GLIS3: variants seen among roughly 807,000 people sequenced by gnomAD.
GLIS3 encodes the protein GLIS family zinc finger 3.
GLIS3 carries 53 observed loss-of-function variants against 78.6 expected under a neutral mutation model. The ratio of observed to expected loss-of-function variants is 0.67; its 90% CI spans 0.54 to 0.85. GLIS3 has a LOEUF of 0.85. Ranked by LOEUF, GLIS3 falls within the 40% of genes least tolerant of loss-of-function variation. The pLI is 0.00. For missense variants in GLIS3, 1,703 were observed against 1,231.1 expected (o/e 1.38, Z -5.74); for synonymous variants, 684 against 509.9 (o/e 1.34, Z -4.60).
At chr9:4,059,829 T>TGTGTGTGAGA in intron 4 of GLIS3, among the ~76,000 whole-genome samples, 92 of 100,704 alleles carry the variant, frequency 9.1e-4, no homozygotes, top group Middle Eastern at 0.013. Flanking sequence ...TGTGTGTGTG[T>TGTGTGTGAGA]GAGAGAGAGA....
At chr9:4,202,641 A>C (rs1209990857) in intron 2 of GLIS3, among the ~76,000 whole-genome samples, 1 of 152,134 alleles carries the variant, frequency 6.6e-6, no homozygotes, top group Non-Finnish European at 1.5e-5. Context: ...ATGGAATAGA[A>C]TAGAGAACCC....
the GLIS3 span, among the ~76,000 whole-genome samples, chr9:4,441,377 C>T: frequency 1.3e-5 from 2 of 152,236 alleles, no homozygotes; most frequent in Admixed American, 6.5e-5. Flanking sequence ...TGTTGAATTT[C>T]GTCAAATGCT....
chr9:4,175,942 G>C (rs1025089119), intron 2 of GLIS3, among the ~76,000 whole-genome samples: 3 of 152,210 alleles, frequency 2.0e-5, no homozygotes, highest in Admixed American at 1.3e-4. Flanking sequence ...GACATAGCCA[G>C]AATTGAAATC....
intron 2 of GLIS3, among the ~76,000 whole-genome samples, chr9:4,340,640 A>G (rs1041622835): frequency 3.3e-5 from 5 of 152,146 alleles, no homozygotes; most frequent in Admixed American, 1.3e-4. Context: ...CACCATGGAC[A>G]CTTGAACCTG....
chr9:4,006,520 G>T (rs147535821), intron 4 of GLIS3, among the ~76,000 whole-genome samples: 49 of 152,256 alleles, frequency 3.2e-4, no homozygotes, highest in Non-Finnish European at 6.2e-4. Flanking sequence ...TGGTTTGCTG[G>T]TGAGGGGTGC....
At chr9:3,848,873 A>G (rs1016216328) in intron 9 of GLIS3, among the ~76,000 whole-genome samples, 2 of 152,228 alleles carry the variant, frequency 1.3e-5, no homozygotes, top group African/African-American at 4.8e-5. Flanking sequence ...CTGAGGTAAG[A>G]AAATGCCACC....
At chr9:4,236,204 A>AAAAAAG (rs536737911) in intron 2 of GLIS3, among the ~76,000 whole-genome samples, 15,191 of 85,640 alleles carry the variant, frequency 0.18, 1,648 homozygotes, top group East Asian at 0.37. Context: ...AAAAAAAAAA[A>AAAAAAG]AAAGAAAGAA....
intron 4 of GLIS3, among the ~76,000 whole-genome samples, chr9:4,044,110 G>A (rs113478529): frequency 0.026 from 3,914 of 152,290 alleles, 162 homozygotes; most frequent in African/African-American, 0.087. Context: ...CAGAGAAGCT[G>A]AGCAACCTTC....
chr9:4,286,786 CAACA>C (rs914483986), intron 1 of GLIS3, among the ~76,000 whole-genome samples: 1 of 152,166 alleles, frequency 6.6e-6, no homozygotes, highest in Non-Finnish European at 1.5e-5. Context: ...TCGGCAACTA[CAACA>C]ATCTACTGGT....
chr9:4,416,019 A>T, the GLIS3 span, among the ~76,000 whole-genome samples: 1 of 150,422 alleles, frequency 6.6e-6, no homozygotes, highest in Non-Finnish European at 1.5e-5. Context: ...AAATATATAG[A>T]TGTATATATT....
intron 4 of GLIS3, among the ~76,000 whole-genome samples, chr9:3,961,485 G>A (rs1183541729): frequency 6.6e-6 from 1 of 152,174 alleles, no homozygotes; most frequent in East Asian, 1.9e-4. Flanking sequence ...TAAATCATGG[G>A]TCTCTAGTAA....
At chr9:4,436,785 C>T in the GLIS3 span, among the ~76,000 whole-genome samples, 674 of 130,886 alleles carry the variant, frequency 5.1e-3, 4 homozygotes, top group African/African-American at 0.019. Context: ...TGCACTCCAG[C>T]CTGGGCAAGA....
intron 5 of GLIS3, among the ~76,000 whole-genome samples, chr9:3,936,218 G>A (rs1241347748): frequency 3.3e-5 from 5 of 152,094 alleles, no homozygotes; most frequent in African/African-American, 7.2e-5. Context: ...TTTGTTAAGC[G>A]CAGTGAAATT....
At chr9:4,190,850 C>A (rs1472855257) in intron 2 of GLIS3, among the ~76,000 whole-genome samples, 1 of 152,202 alleles carries the variant, frequency 6.6e-6, no homozygotes, top group Admixed American at 6.5e-5. Context: ...AGAAAGTCTA[C>A]AAGCCAGAAG....
chr9:4,214,428 G>A (rs1029784749), intron 2 of GLIS3, among the ~76,000 whole-genome samples: 1 of 152,164 alleles, frequency 6.6e-6, no homozygotes, highest in Non-Finnish European at 1.5e-5. Context: ...CCATCGGCAC[G>A]TATGTCTTCT....
intron 4 of GLIS3, among the ~76,000 whole-genome samples, chr9:4,033,877 A>AAC (rs1563969400): frequency 6.7e-6 from 1 of 150,304 alleles, no homozygotes; most frequent in African/African-American, 2.4e-5. Context: ...AAAAAAAAAA[A>AAC]AAAAAAAAAA....
chr9:3,941,204 T>G (rs1234086825), intron 4 of GLIS3, among the ~76,000 whole-genome samples: 3 of 152,170 alleles, frequency 2.0e-5, no homozygotes, highest in Non-Finnish European at 4.4e-5. Context: ...TTTTGCAGAA[T>G]CTACCCATTT....
rs375078981 is a variant in GLIS3 at position 3,942,817 on chromosome 9, A to G, written c.1711-5628T>C. ...CTTATACTTTGAGCAGCAACATTCT[A>G]GGGATCATTAGGTCACCTTAATCTT... On this transcript the variant is annotated intron_variant, in intron 4 of 10. Coordinates refer to ENST00000381971, the MANE Select transcript of GLIS3 (RefSeq NM_001042413.2). 7.9e-5 allele frequency among the ~76,000 whole-genome samples: 12 copies of G among 152,362 alleles called. No homozygotes were observed. In the East Asian group the frequency reaches 1.7e-3, roughly 22 times the overall value.
At chr9:4,309,111 G>C (rs889406211) in intron 3 of GLIS3, 1 of 152,182 alleles carries the variant, frequency 6.6e-6, no homozygotes, top group Admixed American at 6.5e-5. Flanking sequence ...AACAGAATCA[G>C]CCTGCATCAT....
Sources: gnomAD v4.1 joint callset for allele counts (sites outside exome capture counted in the v4.1 genomes callset) on GRCh38, gnomAD v4.1.1 for gene constraint, MANE v1.5 for transcripts, NCBI Gene and HGNC (gene_info 2026-07-23, HGNC 2026-07-21) for gene names.